CLSTN2: variants seen among roughly 807,000 people sequenced by gnomAD.
CLSTN2 encodes calsyntenin-2.
Under a neutral mutation model 101.2 loss-of-function variants are expected in CLSTN2, and 48 were observed. The ratio of observed to expected loss-of-function variants is 0.47; its 90% CI spans 0.38 to 0.60. CLSTN2 has a LOEUF of 0.60. CLSTN2 is among the 20% of genes least tolerant of loss of function. The pLI is 0.00. For missense variants in CLSTN2, 1,160 were observed against 1,238.2 expected, an observed-to-expected ratio of 0.94 and a Z score of 0.95; for synonymous variants, 481 against 463.6, an observed-to-expected ratio of 1.04 and a Z score of -0.48.
intron 2 of CLSTN2, among the ~76,000 whole-genome samples, chr3:140,362,240 CT>C (rs1559848789): frequency 6.6e-6 from 1 of 152,090 alleles, no homozygotes; most frequent in Non-Finnish European, 1.5e-5. Flanking sequence ...ACAAATAGTG[CT>C]AGTATAATAT....
At chr3:140,290,174 A>G (rs1392223347) in intron 2 of CLSTN2, among the ~76,000 whole-genome samples, 1 of 152,076 alleles carries the variant, frequency 6.6e-6, no homozygotes, top group Non-Finnish European at 1.5e-5. Context: ...CAGAACACCC[A>G]TTTCGATGAA....
chr3:140,448,831 G>C (rs1329061198), intron 6 of CLSTN2, 127 bp downstream of exon 6: 1 of 821,082 alleles, frequency 1.2e-6, no homozygotes, highest in East Asian at 2.8e-5. Context: ...GTAACTCCTG[G>C]ATGGATTTTA....
At chr3:140,103,391 A>C (rs918444142) in intron 1 of CLSTN2, among the ~76,000 whole-genome samples, 1 of 152,218 alleles carries the variant, frequency 6.6e-6, no homozygotes, top group African/African-American at 2.4e-5. Flanking sequence ...GTGCTTTCAG[A>C]GGAGACAGGA....
chr3:140,448,144 G>A (rs1459806840), intron 5 of CLSTN2, among the ~76,000 whole-genome samples: 1 of 152,132 alleles, frequency 6.6e-6, no homozygotes, highest in Non-Finnish European at 1.5e-5. Flanking sequence ...GTAACTGCAG[G>A]CGTGGACGGG....
At position 140,403,709 on chromosome 3, in the gene CLSTN2, C is replaced by T. The variant is rs539832962; in HGVS notation, c.313C>T (p.Arg105Trp). The part of the protein sequence containing the change: ...VVLNKTSGEG[R>W]LRAKSPIDCE... ...GCTCAACAAGACATCAGGAGAGGGC[C>T]GGCTCCGTGCCAAGAGCCCCATTGA... The change falls in exon 3 of 17, where the codon CGG becomes TGG. Residue 105 changes from arginine to tryptophan, a missense_variant. By Grantham distance (101) the Arg-to-Trp change is moderately radical (BLOSUM62 -3). Transcript: ENST00000458420. 94 of 1,614,046 alleles carry T rather than the reference C, an allele frequency of 5.8e-5. 1 individual carries two copies. The Middle Eastern group carries it at 6.6e-4, about 11-fold the overall frequency.
chr3:140,038,408 A>C (rs2007699855), intron 1 of CLSTN2, among the ~76,000 whole-genome samples: 1 of 151,668 alleles, frequency 6.6e-6, no homozygotes, highest in Non-Finnish European at 1.5e-5. Context: ...TTTCTTGTAA[A>C]TTTGTTTAAG....
At chr3:140,133,482 G>A (rs1408717225) in intron 1 of CLSTN2, among the ~76,000 whole-genome samples, 1 of 152,160 alleles carries the variant, frequency 6.6e-6, no homozygotes, top group Non-Finnish European at 1.5e-5. Flanking sequence ...TACCTAAGGT[G>A]TCTCCAGAGA....
At chr3:140,369,501 C>T (rs1367843523) in intron 2 of CLSTN2, among the ~76,000 whole-genome samples, 4 of 152,130 alleles carry the variant, frequency 2.6e-5, no homozygotes, top group Non-Finnish European at 5.9e-5. Flanking sequence ...GGATGGATCC[C>T]TGCTTGGGCA....
intron 2 of CLSTN2, among the ~76,000 whole-genome samples, chr3:140,312,574 C>T (rs184987452): frequency 6.6e-6 from 1 of 152,334 alleles, no homozygotes; most frequent in Admixed American, 6.5e-5. Context: ...AAAGTCTACG[C>T]CTTCTTTTAA....
intron 9 of CLSTN2, among the ~76,000 whole-genome samples, chr3:140,535,522 A>G (rs1459647161): frequency 6.6e-6 from 1 of 152,258 alleles, no homozygotes; most frequent in Admixed American, 6.5e-5. Context: ...AAGGGTGTTC[A>G]CCAAGTATTT....
At chr3:140,124,905 G>A (rs888865592) in intron 1 of CLSTN2, among the ~76,000 whole-genome samples, 4 of 152,186 alleles carry the variant, frequency 2.6e-5, no homozygotes, top group African/African-American at 9.7e-5. Flanking sequence ...GTCCAGGGAA[G>A]GGGGAGCAAC....
chr3:140,223,014 A>T (rs1172650692), intron 2 of CLSTN2, among the ~76,000 whole-genome samples: 12 of 152,184 alleles, frequency 7.9e-5, no homozygotes, highest in Admixed American at 1.3e-4. Context: ...AAACCCAGAG[A>T]TACAACACTT....
chr3:140,354,269 G>A (rs772310439), intron 2 of CLSTN2, among the ~76,000 whole-genome samples: 1 of 152,074 alleles, frequency 6.6e-6, no homozygotes, highest in South Asian at 2.1e-4. Context: ...GCTACTCAAG[G>A]GCACTGTAAC....
At chr3:140,410,839 A>G (rs1167835281) in intron 4 of CLSTN2, among the ~76,000 whole-genome samples, 1 of 152,196 alleles carries the variant, frequency 6.6e-6, no homozygotes, top group Admixed American at 6.5e-5. Context: ...TGTGCATTTC[A>G]TGTTATTTTT....
At chr3:140,298,202 G>A (rs534659665) in intron 2 of CLSTN2, among the ~76,000 whole-genome samples, 1 of 152,288 alleles carries the variant, frequency 6.6e-6, no homozygotes, top group South Asian at 2.1e-4. Context: ...CTGTATACTA[G>A]CTGTGTGATT....
At chr3:140,293,472 A>G (rs1345745042) in intron 2 of CLSTN2, among the ~76,000 whole-genome samples, 1 of 152,186 alleles carries the variant, frequency 6.6e-6, no homozygotes, top group Non-Finnish European at 1.5e-5. Flanking sequence ...ATGTATCACA[A>G]AGCTTAACAT....
At chr3:140,094,411 T>C (rs1278834785) in intron 1 of CLSTN2, among the ~76,000 whole-genome samples, 1 of 152,218 alleles carries the variant, frequency 6.6e-6, no homozygotes, top group Non-Finnish European at 1.5e-5. Context: ...GATATTTTAA[T>C]TTTTCTCCAT....
At chr3:140,021,448 A>T (rs2107755828) in intron 1 of CLSTN2, among the ~76,000 whole-genome samples, 1 of 152,290 alleles carries the variant, frequency 6.6e-6, no homozygotes, top group South Asian at 2.1e-4. Flanking sequence ...CCAGGCATGC[A>T]TCATCCTATG....
At chr3:140,132,241 A>AT (rs1401455297) in intron 1 of CLSTN2, among the ~76,000 whole-genome samples, 1 of 152,186 alleles carries the variant, frequency 6.6e-6, no homozygotes, top group Non-Finnish European at 1.5e-5. Context: ...GATTTCTATG[A>AT]TTTTACTGAT....
Sources: gnomAD v4.1 joint callset for allele counts (sites outside exome capture counted in the v4.1 genomes callset) on GRCh38, gnomAD v4.1.1 for gene constraint, MANE v1.5 for transcripts, NCBI Gene and HGNC (gene_info 2026-07-23, HGNC 2026-07-21) for gene names.